Variants in AFAP1 observed in about 807,000 individuals in gnomAD.
AFAP1 encodes the protein actin filament associated protein 1.
In AFAP1, 75 loss-of-function variants were observed where a neutral mutation model predicts 93.9. The observed-to-expected ratio is 0.80, with a 90% confidence interval of 0.66 to 0.97. AFAP1 has a LOEUF of 0.97. Ranked by LOEUF, AFAP1 falls within the 50% of genes least tolerant of loss-of-function variation. The pLI is 0.00. For missense variants in AFAP1, 1,201 were observed against 1,050.8 expected (o/e 1.14, Z -1.98); for synonymous variants, 517 against 430.7 (o/e 1.20, Z -2.48).
intron 14 of AFAP1, chr4:7,777,341 G>GT (rs1479889147): frequency 3.3e-5 from 5 of 152,240 alleles, no homozygotes; most frequent in Non-Finnish European, 5.9e-5. Flanking sequence ...TGGTCAACAC[G>GT]TATGTTGGGT....
In AFAP1 at chr4:7,889,704, T is replaced by TAA. The variant is rs79942195; in HGVS notation, c.-2-17626_-2-17625dup. 7.6e-3 allele frequency among the ~76,000 whole-genome samples: 1,103 copies of TAA among 144,656 alleles called. 10 individuals are homozygous for TAA. The highest frequency in any genetic ancestry group is 0.013 in the South Asian group (58 of 4,616). 94.9% of individuals were successfully genotyped at this position (144,656 alleles called of 152,430 possible). On this transcript the variant is annotated intron_variant, in intron 1 of 17. Coordinates refer to ENST00000420658, the MANE Select transcript of AFAP1 (RefSeq NM_001134647.2). ...CTCAATGAAGCGTTTTTTTTTTTTT[T>TAA]AAAAAAAGAACAATTGAAAAATGAA...
intron 4 of AFAP1, among the ~76,000 whole-genome samples, chr4:7,851,662 G>C (rs1469051237): frequency 6.6e-6 from 1 of 152,198 alleles, no homozygotes; most frequent in Non-Finnish European, 1.5e-5. Context: ...GGCAGGAATA[G>C]AGGTTATGCA....
chr4:7,853,867 C>A (rs1008464316), intron 4 of AFAP1, among the ~76,000 whole-genome samples: 28 of 152,170 alleles, frequency 1.8e-4, no homozygotes, highest in Admixed American at 9.2e-4. Flanking sequence ...CACTGTGCGC[C>A]ATCACTGCTG....
chr4:7,913,619 G>A (rs186857054), intron 1 of AFAP1, among the ~76,000 whole-genome samples: 1 of 152,136 alleles, frequency 6.6e-6, no homozygotes, highest in Non-Finnish European at 1.5e-5. Flanking sequence ...AAATGTGTAA[G>A]AGGAAGAAAA....
chr4:7,867,715 G>T (rs1380016749), intron 3 of AFAP1, among the ~76,000 whole-genome samples: 1 of 152,154 alleles, frequency 6.6e-6, no homozygotes, highest in Non-Finnish European at 1.5e-5. Flanking sequence ...GGGGTTCTTT[G>T]AGGCCAAGTT....
intron 14 of AFAP1, chr4:7,775,219 C>A (rs1285444982): frequency 8.0e-6 from 2 of 251,014 alleles, no homozygotes; most frequent in Non-Finnish European, 1.5e-5. Context: ...TAAACAAACA[C>A]AAAGCATTAT....
At position 7,819,148 on chromosome 4, in the gene AFAP1, A is replaced by T; in HGVS notation, c.750T>A (p.Gly250=). The change falls in exon 7 of 18, where the codon GGT becomes GGA. Residue 250 remains glycine (G), a synonymous_variant. Coordinates refer to ENST00000420658, the MANE Select transcript of AFAP1 (RefSeq NM_001134647.2). Reference sequence around the variant, plus strand: ...ACTCTGAATCCACGGGGCCACTACAACCACTGTAGGCTTCTTTGATCACCT... The same window carrying T: ...ACTCTGAATCCACGGGGCCACTACATCCACTGTAGGCTTCTTTGATCACCT... ...WLKVIKEAYS[G]CSGPVDSECP... The T allele has an allele frequency of 5.0e-6, 8 of 1,613,400 alleles. No homozygotes were observed. The highest frequency in any genetic ancestry group is 2.2e-5 in the East Asian group (1 of 44,858).
intron 1 of AFAP1, among the ~76,000 whole-genome samples, chr4:7,889,220 T>A (rs905599554): frequency 1.3e-5 from 2 of 152,184 alleles, no homozygotes; most frequent in Non-Finnish European, 2.9e-5. Flanking sequence ...TAATTCACCA[T>A]ATTAGCAGAT....
intron 3 of AFAP1, among the ~76,000 whole-genome samples, chr4:7,862,472 G>A (rs1045140356): frequency 6.6e-6 from 1 of 151,950 alleles, no homozygotes; most frequent in Non-Finnish European, 1.5e-5. Context: ...TTCCATTTGG[G>A]ATAAAGTATG....
At chr4:7,798,473 C>T (rs1261084416) in intron 10 of AFAP1, among the ~76,000 whole-genome samples, 1 of 139,950 alleles carries the variant, frequency 7.1e-6, no homozygotes, top group African/African-American at 2.7e-5. Flanking sequence ...CATTGCAACT[C>T]TATTGGCTGG....
At chr4:7,893,215 T>G (rs546014693) in intron 1 of AFAP1, among the ~76,000 whole-genome samples, 3 of 152,272 alleles carry the variant, frequency 2.0e-5, no homozygotes, top group African/African-American at 7.2e-5. Context: ...GAATCATGAC[T>G]CTTGTAAGAT....
chr4:7,890,744 C>T (rs1315740499), intron 1 of AFAP1, among the ~76,000 whole-genome samples: 3 of 152,092 alleles, frequency 2.0e-5, no homozygotes, highest in East Asian at 1.9e-4. Flanking sequence ...CAATGAGATG[C>T]CCTGATACAT....
intron 9 of AFAP1, among the ~76,000 whole-genome samples, chr4:7,802,511 T>C (rs2149035096): frequency 6.6e-6 from 1 of 152,356 alleles, no homozygotes; most frequent in Non-Finnish European, 1.5e-5. Context: ...AAGCAAGACC[T>C]GAACCCCTGT....
chr4:7,882,937 C>G (rs555434924), intron 1 of AFAP1, among the ~76,000 whole-genome samples: 44 of 152,176 alleles, frequency 2.9e-4, no homozygotes, highest in Admixed American at 7.2e-4. Flanking sequence ...GTAATCCCAG[C>G]ACTCTGGGAG....
intron 4 of AFAP1, among the ~76,000 whole-genome samples, chr4:7,854,364 G>A (rs1203501819): frequency 1.3e-5 from 2 of 152,188 alleles, no homozygotes; most frequent in African/African-American, 2.4e-5. Context: ...AGACAGGCAA[G>A]CGGGAGCAGC....
At chr4:7,825,954 TAAA>T (rs56032709) in intron 6 of AFAP1, among the ~76,000 whole-genome samples, 30 of 133,792 alleles carry the variant, frequency 2.2e-4, no homozygotes, top group Non-Finnish European at 4.9e-4. Context: ...TGGATATGCT[TAAA>T]AAAAAAAAAA....
intron 1 of AFAP1, among the ~76,000 whole-genome samples, chr4:7,897,432 G>C (rs1718848911): frequency 6.6e-6 from 1 of 152,136 alleles, no homozygotes; most frequent in African/African-American, 2.4e-5. Context: ...CTTGATCACA[G>C]AATCCGCTAA....
chr4:7,790,465 C>T (rs921597903), intron 11 of AFAP1, among the ~76,000 whole-genome samples: 1 of 152,120 alleles, frequency 6.6e-6, no homozygotes, highest in Non-Finnish European at 1.5e-5. Flanking sequence ...TCTAGGGCAA[C>T]GATTTTAATT....
At chr4:7,793,868 A>G in intron 10 of AFAP1, 42 bp from the exon 11 acceptor site, 4 of 1,457,136 alleles carry the variant, frequency 2.7e-6, no homozygotes, top group Non-Finnish European at 3.7e-6. Flanking sequence ...TTAACTAAAG[A>G]TTTTTACATT....
Sources: gnomAD v4.1 joint callset for allele counts (sites outside exome capture counted in the v4.1 genomes callset) on GRCh38, gnomAD v4.1.1 for gene constraint, MANE v1.5 for transcripts, NCBI Gene and HGNC (gene_info 2026-07-23, HGNC 2026-07-21) for gene names.